The following ACO1 variants were observed in gnomAD, a reference collection of about 807,000 sequenced individuals.
ACO1 encodes the protein aconitase 1.
A neutral mutation model predicts 105.1 loss-of-function variants in ACO1; 78 were observed. The ratio of observed to expected loss-of-function variants is 0.74; its 90% confidence interval spans 0.62 to 0.90. The LOEUF is 0.90. Among genes scored for constraint, ACO1 ranks in the 40% least tolerant of loss-of-function variants. The probability of loss-of-function intolerance (pLI) is 0.00; values close to 1 mark genes in which losing one functional copy is unlikely to be tolerated. For missense variants in ACO1, 965 were observed against 1,111.1 expected (o/e 0.87, Z 1.87); for synonymous variants, 364 against 397.4 (o/e 0.92, Z 1.00).
At position 32,433,845 on chromosome 9, in the gene ACO1, ATTT is replaced by A. The variant is rs552058838; in HGVS notation, c.1956+17_1956+19del. ...CTTTGAAAACCTGGTATGGCTTTTT[ATTT>A]TTTAACAAAATGAATTCTTTGAAGG... On this transcript the variant is annotated intron_variant, in intron 16 of 20. Coordinates refer to ENST00000309951, the MANE Select transcript of ACO1 (RefSeq NM_002197.3). 4.2e-4 allele frequency: 656 copies of A among 1,551,288 alleles called. 2 individuals carry two copies. The African/African-American group carries it at 8.1e-3, about 19-fold the overall frequency.
Position 32,423,361 on chromosome 9 carries a change from A to G in ACO1, c.1013A>G (p.Gln338Arg). The change falls in exon 9 of 21, where the codon CAG becomes CGG. Residue 338 changes from glutamine to arginine, a missense_variant. By Grantham distance (43) the Gln-to-Arg change is conservative. Coordinates refer to ENST00000309951, the MANE Select transcript of ACO1 (RefSeq NM_002197.3). ...EKLKYIKKYL[Q>R]AVGMFRDFND... Reference sequence around the variant, plus strand: ...TTAAAGTATATTAAAAAATATCTTCAGGCTGTAGGAATGTTTCGAGATTTC... The same window carrying G: ...TTAAAGTATATTAAAAAATATCTTCGGGCTGTAGGAATGTTTCGAGATTTC... The G allele has an allele frequency of 6.3e-7, 1 of 1,595,884 alleles. No homozygotes were observed. Among genetic ancestry groups the G allele is most frequent in the Non-Finnish European group, 8.5e-7 (1 of 1,174,174 alleles).
rs1329809751 is a variant in ACO1 at position 32,430,535 on chromosome 9, G to A, written c.1687G>A (p.Ala563Thr). Residue 563 changes from alanine (A) to threonine (T), a missense_variant, in exon 14 of 21, where the codon GCT becomes ACT. By Grantham distance (58) the Ala-to-Thr change is moderately conservative (BLOSUM62 0). Transcript: ENST00000309951. ...CCCCTTAGTAATAGCATATGCAATT[G>A]CTGGAACCATCAGAATCGACTTTGA... ...SPPLVIAYAI[A>T]GTIRIDFEKE... 1 of 1,608,360 alleles carries A rather than the reference G, an allele frequency of 6.2e-7. No individual in the cohort carries two copies. The highest frequency in any genetic ancestry group is 2.2e-5 in the East Asian group (1 of 44,454).
intron 9 of ACO1, 47 bp downstream of exon 9, chr9:32,423,466 C>A: frequency 7.5e-7 from 1 of 1,331,444 alleles, no homozygotes; most frequent in Non-Finnish European, 1.1e-6. Flanking sequence ...TTCCTCAAGG[C>A]TGCGATTTTA....
rs1013898277 is a variant in ACO1, at chr9:32,436,148, T to C, written c.2100-102T>C. On this transcript the variant is annotated intron_variant, in intron 17 of 20. Transcript: ENST00000309951. ...TAGGAGACTTAGAGAAATAGCCAGGTCTATGTTTTGTTTTGTTTTGTTTTT... is the reference window on the plus strand; with the variant it reads ...TAGGAGACTTAGAGAAATAGCCAGGCCTATGTTTTGTTTTGTTTTGTTTTT... The C allele has an allele frequency of 1.0e-5, 15 of 1,445,536 alleles. 1 individual carries two copies. The Admixed American group carries it at 2.5e-4, about 24-fold the overall frequency. The allele number at this position is 1,445,536 out of a possible 1,614,324, so 89.5% of individuals were successfully genotyped here.
intron 15 of ACO1, among the ~76,000 whole-genome samples, chr9:32,432,327 T>A (rs1301191269): frequency 6.6e-6 from 1 of 152,084 alleles, no homozygotes; most frequent in East Asian, 1.9e-4. Context: ...TAGGAGGAAA[T>A]GTGTGGGGCT....
At chr9:32,418,907 A>T in intron 6 of ACO1, 131 bp from the exon 7 acceptor site, 1 of 1,128,038 alleles carries the variant, frequency 8.9e-7, no homozygotes, top group Non-Finnish European at 1.2e-6. Context: ...ACTGCTCTTT[A>T]TAGAAACATG....
intron 19 of ACO1, 46 bp from the exon 20 acceptor site, chr9:32,448,850 A>G: frequency 6.2e-7 from 1 of 1,609,680 alleles, no homozygotes; most frequent in African/African-American, 1.3e-5. Flanking sequence ...TGTGTATCCA[A>G]AGAAAAGATT....
At chr9:32,441,860 G>C (rs572092028) in intron 19 of ACO1, among the ~76,000 whole-genome samples, 2 of 152,224 alleles carry the variant, frequency 1.3e-5, no homozygotes, top group African/African-American at 4.8e-5. Context: ...AGCCGTGCTG[G>C]ACTGTACTTA....
chr9:32,419,272 G>A, intron 7 of ACO1, 95 bp downstream of exon 7: 2 of 1,342,910 alleles, frequency 1.5e-6, no homozygotes, highest in Non-Finnish European at 2.0e-6. Context: ...TGGTTTCCAA[G>A]TGCTCTAGCA....
intron 2 of ACO1, among the ~76,000 whole-genome samples, chr9:32,406,509 G>C (rs2062090416): frequency 6.6e-6 from 1 of 152,116 alleles, no homozygotes. Flanking sequence ...TATAGTCCCT[G>C]GTATTTAGGA....
intron 1 of ACO1, among the ~76,000 whole-genome samples, chr9:32,388,217 A>G (rs1280257587): frequency 2.6e-5 from 4 of 152,184 alleles, no homozygotes; most frequent in Non-Finnish European, 4.4e-5. Context: ...TCTTGATTCC[A>G]GGGGCAGAGA....
rs149031149 is a variant in ACO1 at position 32,395,065 on chromosome 9, C to T, written c.-23+10330C>T. ...ATTGCCACAATCTGCGAAATGAGTT[C>T]AGGAGCCTGAGGAAATCATGCTGCT... On this transcript the variant is annotated intron_variant, in intron 1 of 20. Transcript: ENST00000309951. Among the ~76,000 whole-genome samples the T allele has an allele frequency of 3.9e-5, 6 of 152,306 alleles. No individual in the cohort carries two copies. In the East Asian group the frequency reaches 9.6e-4, roughly 24 times the overall value.
intron 14 of ACO1, among the ~76,000 whole-genome samples, chr9:32,431,462 A>C (rs929290498): frequency 1.3e-5 from 2 of 152,188 alleles, no homozygotes; most frequent in African/African-American, 4.8e-5. Context: ...GTTCAATGTC[A>C]GTGAGTCAAC....
rs1323891516 is a variant in ACO1 at position 32,450,468 on chromosome 9, G to A, written c.*357G>A. 3 of 355,934 alleles carry A rather than the reference G, an allele frequency of 8.4e-6. No individual in the cohort carries two copies. The allele number at this position is 355,934 out of a possible 1,614,324, so 22.0% of individuals were successfully genotyped here. The stretch of plus-strand genomic sequence containing the variant: ...ACACAAGCAAACCTTCTCAGGAGGT[G>A]TCTCCTACCCTCTTATTGTTCCTCT... On this transcript the variant is annotated 3_prime_UTR_variant, in exon 21 of 21. Transcript: ENST00000309951.
Position 32,439,175 on chromosome 9 carries a change from A to G in ACO1, c.2248-1290A>G, listed in dbSNP as rs1414046931. Among the ~76,000 whole-genome samples the G allele has an allele frequency of 6.6e-6, 1 of 152,216 alleles. No individual in the cohort carries two copies. The highest frequency in any genetic ancestry group is 1.5e-5 in the Non-Finnish European group (1 of 68,038). ...AACTTTGCAGTACTTTTTAAAGCAC[A>G]CACTCTCACATTGTTAATACCCAAA... On this transcript the variant is annotated intron_variant, in intron 18 of 20. Coordinates refer to ENST00000309951, the MANE Select transcript of ACO1 (RefSeq NM_002197.3). This position sits in a 1 kb window ranked among gnomAD's most constrained non-coding sequence, Gnocchi z 4.0.
intron 10 of ACO1, among the ~76,000 whole-genome samples, 196 bp from the exon 11 acceptor site, chr9:32,425,642 C>T (rs1822073131): frequency 6.6e-6 from 1 of 152,134 alleles, no homozygotes. Flanking sequence ...AGTAATTTTT[C>T]TGTAGCATTT....
At chr9:32,429,309 T>A in intron 12 of ACO1, 110 bp from the exon 13 acceptor site, 2 of 888,298 alleles carry the variant, frequency 2.3e-6, no homozygotes, top group Non-Finnish European at 3.7e-6. Context: ...ACTTAGTTCA[T>A]GCACTGCAAT....
intron 17 of ACO1, 51 bp from the exon 18 acceptor site, chr9:32,436,199 T>C: frequency 6.2e-7 from 1 of 1,611,874 alleles, no homozygotes; most frequent in Non-Finnish European, 8.5e-7. Context: ...AAGCTAAGGT[T>C]AATCTTTGCT....
intron 17 of ACO1, 100 bp downstream of exon 17, chr9:32,434,801 T>A: frequency 7.0e-7 from 1 of 1,422,360 alleles, no homozygotes. Flanking sequence ...GGAATGAGAC[T>A]CTTTGGTTGT....
Sources: allele counts gnomAD v4.1 joint callset (sites outside exome capture counted in the v4.1 genomes callset), GRCh38; gene constraint gnomAD v4.1.1; non-coding constraint Gnocchi (gnomAD v3.1); transcripts MANE v1.5; gene names NCBI Gene and HGNC (gene_info 2026-07-23, HGNC 2026-07-21).